LCLAT1: variants seen among roughly 807,000 people sequenced by gnomAD.
The protein encoded by LCLAT1 is lysocardiolipin acyltransferase 1.
A neutral mutation model predicts 30.7 loss-of-function variants in LCLAT1; 11 were observed. That is an observed-to-expected ratio of 0.36 (90% confidence interval 0.23 to 0.59). The LOEUF (loss-of-function observed/expected upper bound fraction) is 0.59. LCLAT1 is among the 20% of genes least tolerant of loss of function. The probability of loss-of-function intolerance (pLI) is 0.77; values close to 1 mark genes in which losing one functional copy is unlikely to be tolerated. For synonymous variants in LCLAT1, 155 were observed against 151.3 expected (o/e 1.02, Z -0.18); for missense variants, 402 against 458.6 (o/e 0.88, Z 1.13).
chr2:30,466,172 T>G (rs1682413569), intron 1 of LCLAT1, among the ~76,000 whole-genome samples: 2 of 152,076 alleles, frequency 1.3e-5, no homozygotes, highest in Non-Finnish European at 1.5e-5. Flanking sequence ...CTTTGTAAAT[T>G]TTTTCATAAA....
rs571708945 is a variant in LCLAT1, at chr2:30,491,756, T to C, written c.-4-33831T>C. Among the ~76,000 whole-genome samples, 13 of 152,354 alleles carry C rather than the reference T, an allele frequency of 8.5e-5. No homozygotes were observed. In the East Asian group the frequency reaches 2.5e-3, roughly 29 times the overall value. ...TTATGCCTTAATTTTAGCCTATTAA[T>C]TGCATTTGTGGTAGTACTCCACAAC... On this transcript the variant is annotated intron_variant, in intron 1 of 5. Coordinates refer to ENST00000379509, the MANE Select transcript of LCLAT1 (RefSeq NM_001002257.3).
At chr2:30,486,740 CT>C (rs1440467437) in intron 1 of LCLAT1, among the ~76,000 whole-genome samples, 2 of 152,162 alleles carry the variant, frequency 1.3e-5, no homozygotes, top group Non-Finnish European at 2.9e-5. Flanking sequence ...CCTCCACATT[CT>C]TACCTTTCTT....
chr2:30,462,575 C>A (rs1682209695), intron 1 of LCLAT1, among the ~76,000 whole-genome samples: 1 of 152,178 alleles, frequency 6.6e-6, no homozygotes. Context: ...CTGGGGGAAA[C>A]TTCTGAAACC....
intron 5 of LCLAT1, among the ~76,000 whole-genome samples, chr2:30,571,481 T>A (rs1665777691): frequency 6.6e-6 from 1 of 152,210 alleles, no homozygotes; most frequent in Admixed American, 6.5e-5. Context: ...TTCGACTATT[T>A]TAATTTCTTA....
At chr2:30,578,732 G>A (rs1019017341) in intron 5 of LCLAT1, among the ~76,000 whole-genome samples, 5 of 152,108 alleles carry the variant, frequency 3.3e-5, no homozygotes, top group Non-Finnish European at 7.4e-5. Context: ...ATATGTTTCA[G>A]AAGAGGAACT....
At chr2:30,608,090 G>T (rs1043871020) in intron 5 of LCLAT1, among the ~76,000 whole-genome samples, 2 of 152,026 alleles carry the variant, frequency 1.3e-5, no homozygotes, top group East Asian at 3.9e-4. Context: ...GGAACCCGAG[G>T]CAGGTGGATC....
intron 1 of LCLAT1, among the ~76,000 whole-genome samples, chr2:30,474,691 C>T (rs1328480493): frequency 6.6e-6 from 1 of 151,610 alleles, no homozygotes; most frequent in African/African-American, 2.4e-5. Context: ...CTCTATCACC[C>T]AGGCTGGAGT....
chr2:30,629,086 A>C (rs938378465), intron 5 of LCLAT1, among the ~76,000 whole-genome samples: 11 of 152,228 alleles, frequency 7.2e-5, no homozygotes, highest in Admixed American at 7.2e-4. Context: ...TTTACAGAGG[A>C]GCAAATCCAA....
intron 1 of LCLAT1, among the ~76,000 whole-genome samples, chr2:30,466,229 T>TTTTCTTTTCTTTTC (rs1553355367): frequency 6.7e-6 from 1 of 149,606 alleles, no homozygotes; most frequent in Non-Finnish European, 1.5e-5. Flanking sequence ...GTGTTTTCTT[T>TTTTCTTTTCTTTTC]TTTTCTTTTC....
At chr2:30,494,519 C>A (rs1439828194) in intron 1 of LCLAT1, among the ~76,000 whole-genome samples, 1 of 150,944 alleles carries the variant, frequency 6.6e-6, no homozygotes, top group Non-Finnish European at 1.5e-5. Context: ...AAAATATAAA[C>A]CTATATTTTT....
At chr2:30,549,096 C>G (rs749971514) in intron 3 of LCLAT1, among the ~76,000 whole-genome samples, 2 of 152,140 alleles carry the variant, frequency 1.3e-5, no homozygotes, top group Admixed American at 6.6e-5. Context: ...ATCTAAATAA[C>G]TTAAATGAAG....
intron 5 of LCLAT1, among the ~76,000 whole-genome samples, chr2:30,590,323 AT>A (rs35473084): frequency 0.013 from 2,006 of 148,672 alleles, 46 homozygotes; most frequent in African/African-American, 0.044. Flanking sequence ...CTTTTGATAG[AT>A]TTTTTTTTTT....
intron 1 of LCLAT1, among the ~76,000 whole-genome samples, chr2:30,461,850 A>T (rs2148274414): frequency 7.0e-6 from 1 of 142,638 alleles, no homozygotes; most frequent in South Asian, 2.3e-4. Context: ...GGCTCACTGC[A>T]AGCTCCGCCT....
rs568469400 is a variant in LCLAT1, at chr2:30,447,900, G to C, written c.-5+517G>C. On this transcript the variant is annotated intron_variant, in intron 1 of 5. Transcript: ENST00000379509. ...TGTCTTCCCTGCGAGTCCTGCAGGCGCCAAAGGCCTGCCTGTAGGTGCCAG... is the reference window on the plus strand; with the variant it reads ...TGTCTTCCCTGCGAGTCCTGCAGGCCCCAAAGGCCTGCCTGTAGGTGCCAG... Among the ~76,000 whole-genome samples, 3 of 152,350 alleles carry C rather than the reference G, an allele frequency of 2.0e-5. No individual in the cohort carries two copies. In the South Asian group the frequency reaches 6.2e-4, roughly 32 times the overall value.
chr2:30,474,888 G>A (rs1196196958), intron 1 of LCLAT1, among the ~76,000 whole-genome samples: 1 of 152,094 alleles, frequency 6.6e-6, no homozygotes, highest in Non-Finnish European at 1.5e-5. Context: ...CTAGGCTCAA[G>A]CAATTCTCCC....
At chr2:30,485,550 TAA>T (rs1199834011) in intron 1 of LCLAT1, among the ~76,000 whole-genome samples, 1 of 152,136 alleles carries the variant, frequency 6.6e-6, no homozygotes, top group Non-Finnish European at 1.5e-5. Flanking sequence ...TAGTTGCTCT[TAA>T]GTGTTCTTTT....
At chr2:30,531,785 G>A (rs1685997104) in intron 2 of LCLAT1, among the ~76,000 whole-genome samples, 1 of 152,046 alleles carries the variant, frequency 6.6e-6, no homozygotes, top group African/African-American at 2.4e-5. Context: ...ATCCTGTTAT[G>A]TTTTTCAAAG....
At chr2:30,529,346 G>A (rs1685879394) in intron 2 of LCLAT1, among the ~76,000 whole-genome samples, 1 of 152,224 alleles carries the variant, frequency 6.6e-6, no homozygotes, top group Non-Finnish European at 1.5e-5. Flanking sequence ...ATGAGACTTA[G>A]AGGTCACTTT....
At chr2:30,470,094 T>C (rs936440172) in intron 1 of LCLAT1, among the ~76,000 whole-genome samples, 4 of 152,130 alleles carry the variant, frequency 2.6e-5, no homozygotes, top group Non-Finnish European at 5.9e-5. Context: ...TGGTCTTGTG[T>C]GTCGAGTCAG....
Sources: gnomAD v4.1 joint callset for allele counts (sites outside exome capture counted in the v4.1 genomes callset) on GRCh38, gnomAD v4.1.1 for gene constraint, MANE v1.5 for transcripts, NCBI Gene and HGNC (gene_info 2026-07-23, HGNC 2026-07-21) for gene names.